Variants in STK32B observed in about 807,000 individuals in gnomAD.
The protein encoded by STK32B is serine/threonine-protein kinase 32B.
In STK32B, 43 loss-of-function variants were observed where a neutral mutation model predicts 52.6. The ratio of observed to expected loss-of-function variants is 0.82; its 90% CI spans 0.64 to 1.05. The LOEUF is 1.05. Ranked by LOEUF, STK32B falls within the 50% of genes least tolerant of loss-of-function variation. STK32B has a pLI of 0.00. For missense variants in STK32B, 621 were observed against 534.6 expected (o/e 1.16, Z -1.59); for synonymous variants, 238 against 204.3 (o/e 1.17, Z -1.41).
At chr4:5,089,164 T>C (rs1121533) in intron 1 of STK32B, among the ~76,000 whole-genome samples, 71,847 of 151,814 alleles carry the variant, frequency 0.47, 18,768 homozygotes, top group East Asian at 0.81. Context: ...TTATGAATAA[T>C]TGTATGCCAA....
At chr4:5,062,499 TTTGTTG>T (rs760733908) in intron 1 of STK32B, among the ~76,000 whole-genome samples, 1 of 152,018 alleles carries the variant, frequency 6.6e-6, no homozygotes, top group Non-Finnish European at 1.5e-5. Context: ...AATGTTTAGT[TTTGTTG>T]TTGTTGTTGT....
chr4:5,481,689 T>G (rs1483643075), intron 11 of STK32B, among the ~76,000 whole-genome samples: 6 of 152,134 alleles, frequency 3.9e-5, no homozygotes, highest in South Asian at 2.1e-4. Flanking sequence ...TATTGCCTAG[T>G]TTTTCTTCTA....
chr4:5,175,307 A>G (rs1394106227), intron 3 of STK32B, among the ~76,000 whole-genome samples: 3 of 151,996 alleles, frequency 2.0e-5, no homozygotes, highest in Non-Finnish European at 4.4e-5. Context: ...TCAACTCGTC[A>G]AAGTTATTCT....
At chr4:5,029,047 G>A in the STK32B span, among the ~76,000 whole-genome samples, 4,462 of 152,210 alleles carry the variant, frequency 0.029, 215 homozygotes, top group African/African-American at 0.1. Flanking sequence ...AAGGGAGATG[G>A]TGCTAAACCA....
chr4:5,354,903 T>A (rs923786404), intron 4 of STK32B, among the ~76,000 whole-genome samples: 1 of 152,174 alleles, frequency 6.6e-6, no homozygotes, highest in Non-Finnish European at 1.5e-5. Flanking sequence ...GTCAAACTGA[T>A]GCAACATGAG....
In STK32B at chr4:5,394,644, A is replaced by C. The variant is rs966168120; in HGVS notation, c.435-3563A>C. On this transcript the variant is annotated intron_variant, in intron 4 of 11. Transcript: ENST00000282908. This position sits in a 1 kb window ranked among gnomAD's most constrained non-coding sequence, Gnocchi z 4.2. Reference sequence around the variant, plus strand: ...CTCCCTAGCTCCTTTTGAAAGAGCAATGACAGTCCCATCACTGTGACTTAT... The same window carrying C: ...CTCCCTAGCTCCTTTTGAAAGAGCACTGACAGTCCCATCACTGTGACTTAT... Among the ~76,000 whole-genome samples, 2 of 152,198 alleles carry C rather than the reference A, an allele frequency of 1.3e-5. No individual in the cohort carries two copies. The highest frequency in any genetic ancestry group is 4.8e-5 in the African/African-American group (2 of 41,452).
rs1228390147 is a variant in STK32B, at chr4:5,453,113, C to G, written c.667-3694C>G. On this transcript the variant is annotated intron_variant, in intron 7 of 11. Transcript: ENST00000282908. The surrounding 1 kb of genome is among the most constrained non-coding windows in gnomAD (Gnocchi z 4.0). ...TAGTCATCATGTTCCGAACTCATTT[C>G]TAAATGTATTTCCTGCACTGGCTTC... Among the ~76,000 whole-genome samples the G allele has an allele frequency of 6.6e-6, 1 of 151,996 alleles. No individual in the cohort carries two copies. The highest frequency in any genetic ancestry group is 2.4e-5 in the African/African-American group (1 of 41,382).
chr4:5,170,495 T>A (rs887836339), intron 3 of STK32B, among the ~76,000 whole-genome samples: 1 of 151,850 alleles, frequency 6.6e-6, no homozygotes, highest in Non-Finnish European at 1.5e-5. Flanking sequence ...GAGTGTGATG[T>A]TCCCCTTCCT....
chr4:5,422,489 T>C (rs1270726085), intron 6 of STK32B, among the ~76,000 whole-genome samples: 1 of 152,112 alleles, frequency 6.6e-6, no homozygotes, highest in African/African-American at 2.4e-5. Flanking sequence ...TTTTCATTAA[T>C]TGAAAGAGCA....
intron 3 of STK32B, among the ~76,000 whole-genome samples, chr4:5,318,314 C>T (rs192178994): frequency 6.7e-4 from 102 of 152,144 alleles, no homozygotes; most frequent in African/African-American, 2.4e-3. Context: ...GAAAGAAGGC[C>T]TGCCTGGGGA....
At chr4:5,239,018 T>G (rs191969132) in intron 3 of STK32B, among the ~76,000 whole-genome samples, 315 of 152,260 alleles carry the variant, frequency 2.1e-3, no homozygotes, top group African/African-American at 7.2e-3. Context: ...TTATCTTACA[T>G]TTTGAAGGAT....
At chr4:5,089,373 T>C (rs1712922699) in intron 1 of STK32B, among the ~76,000 whole-genome samples, 2 of 152,078 alleles carry the variant, frequency 1.3e-5, no homozygotes, top group South Asian at 4.2e-4. Flanking sequence ...TGTGTGTTGT[T>C]CCCTTCTCTG....
chr4:5,022,363 A>T, the STK32B span, among the ~76,000 whole-genome samples: 1 of 152,156 alleles, frequency 6.6e-6, no homozygotes, highest in Non-Finnish European at 1.5e-5. Flanking sequence ...AAACCTACGC[A>T]GGACAGCCTG....
At chr4:5,375,410 T>C (rs928754512) in intron 4 of STK32B, among the ~76,000 whole-genome samples, 3 of 152,188 alleles carry the variant, frequency 2.0e-5, no homozygotes, top group African/African-American at 7.2e-5. Context: ...AAATCTGCTA[T>C]TTTTCTTTAT....
At chr4:5,340,314 G>A (rs937792051) in intron 4 of STK32B, among the ~76,000 whole-genome samples, 1 of 152,210 alleles carries the variant, frequency 6.6e-6, no homozygotes, top group African/African-American at 2.4e-5. Context: ...ATTGGGGAGT[G>A]GGGCAGGGGC....
At chr4:5,320,818 A>G (rs572019472) in intron 3 of STK32B, among the ~76,000 whole-genome samples, 1 of 152,332 alleles carries the variant, frequency 6.6e-6, no homozygotes, top group South Asian at 2.1e-4. Context: ...TTTACATTGT[A>G]TTTTAAGAAA....
chr4:5,352,642 A>G (rs1733906227), intron 4 of STK32B, among the ~76,000 whole-genome samples: 1 of 151,764 alleles, frequency 6.6e-6, no homozygotes, highest in Non-Finnish European at 1.5e-5. Flanking sequence ...CGTCCAAACT[A>G]AAAAAGAAGT....
the STK32B span, among the ~76,000 whole-genome samples, chr4:5,020,850 G>A: frequency 5.3e-5 from 8 of 152,216 alleles, no homozygotes; most frequent in Admixed American, 5.2e-4. Flanking sequence ...AAGTGAATGG[G>A]GTTATTCCCA....
At chr4:5,196,853 G>GCA (rs1245120077) in intron 3 of STK32B, among the ~76,000 whole-genome samples, 1 of 152,212 alleles carries the variant, frequency 6.6e-6, no homozygotes, top group Non-Finnish European at 1.5e-5. Context: ...ATCTAGGTGA[G>GCA]CACAGCACTC....
Sources: gnomAD v4.1 joint callset for allele counts (sites outside exome capture counted in the v4.1 genomes callset) on GRCh38, gnomAD v4.1.1 for gene constraint, Gnocchi (gnomAD v3.1) non-coding constraint, MANE v1.5 for transcripts, NCBI Gene and HGNC (gene_info 2026-07-23, HGNC 2026-07-21) for gene names.